Variants in TBC1D16 observed in about 807,000 individuals in gnomAD.
TBC1D16 encodes the protein CTD-2529O21.1.
In TBC1D16, 58 loss-of-function variants were observed where a neutral mutation model predicts 74.7. The observed-to-expected ratio is 0.78, with a 90% CI of 0.63 to 0.97. The LOEUF is 0.97. Among genes scored for constraint, TBC1D16 ranks in the 50% least tolerant of loss-of-function variants. The probability of loss-of-function intolerance (pLI) is 0.00; values close to 1 mark genes in which losing one functional copy is unlikely to be tolerated. For synonymous variants in TBC1D16, 493 were observed against 474.7 expected, an observed-to-expected ratio of 1.04 and a Z score of -0.50; for missense variants, 1,014 against 1,079.5, an observed-to-expected ratio of 0.94 and a Z score of 0.85.
In TBC1D16 at chr17:80,010,440, C is replaced by T. The variant is rs145335787; in HGVS notation, c.499G>A (p.Gly167Ser). 3.4e-5 allele frequency: 55 copies of T among 1,609,342 alleles called. No individual in the cohort carries two copies. The East Asian group carries it at 1.2e-3, about 35-fold the overall frequency. ...GGCTGGGCACCATCCACCCCCAAGC[C>T]CTGCGCCAGCTTCTCCTCATCCTCT... Reference protein sequence around the residue: ...APEDEEKLAQGLGVDGAQPAS... With the variant: ...APEDEEKLAQSLGVDGAQPAS... Residue 167 changes from glycine (G) to serine (S), a missense_variant, in exon 3 of 12, where the codon GGC becomes AGC. By Grantham distance (56) the Gly-to-Ser change is moderately conservative. Coordinates refer to ENST00000310924, the MANE Select transcript of TBC1D16 (RefSeq NM_019020.4). The surrounding 1 kb of genome is among the most constrained non-coding windows in gnomAD (Gnocchi z 8.8).
At chr17:79,948,235 C>G (rs2032726294) in intron 8 of TBC1D16, among the ~76,000 whole-genome samples, 1 of 151,794 alleles carries the variant, frequency 6.6e-6, no homozygotes. Context: ...ATCGCTTGAA[C>G]CCGGAAAGCG....
rs889371534 is a variant in TBC1D16 at position 80,007,677 on chromosome 17, T to C, written c.779+2483A>G. 1.3e-5 allele frequency among the ~76,000 whole-genome samples: 2 copies of C among 152,056 alleles called. No individual in the cohort carries two copies. Among genetic ancestry groups the C allele is most frequent in the East Asian group, 1.9e-4 (1 of 5,142 alleles). ...CGCCCCAGGAGCTGAGTCTCAAACATATAAGCTGGCCGGTTAGGAGAGAGG... is the reference window on the plus strand; with the variant it reads ...CGCCCCAGGAGCTGAGTCTCAAACACATAAGCTGGCCGGTTAGGAGAGAGG... On this transcript the variant is annotated intron_variant, in intron 3 of 11. Transcript: ENST00000310924. This position sits in a 1 kb window ranked among gnomAD's most constrained non-coding sequence, Gnocchi z 4.5.
rs748469429 is a variant in TBC1D16, at chr17:79,947,673, G to A, written c.1700C>T (p.Pro567Leu). 2.5e-6 allele frequency: 4 copies of A among 1,614,126 alleles called. 1 individual carries two copies. In the Admixed American group the frequency reaches 6.7e-5, roughly 27 times the overall value. ...TTGTTTCTCCATGTCCTCGTCCCGG[G>A]GTGAGCTGACGAAGATCGTGTTCTG... is the stretch of plus-strand genomic sequence containing the variant. ...LMQNTIFVSSPRDEDMEKQLL... is the reference protein window; with the variant it reads ...LMQNTIFVSSLRDEDMEKQLL... Residue 567 changes from proline (P) to leucine (L), a missense_variant, in exon 9 of 12, where the codon CCC (proline) becomes CTC (leucine). By Grantham distance (98) the Pro-to-Leu change is moderately conservative. Transcript: ENST00000310924.
At chr17:79,946,318 A>G (rs2032532481) in intron 9 of TBC1D16, among the ~76,000 whole-genome samples, 1 of 152,318 alleles carries the variant, frequency 6.6e-6, no homozygotes, top group Non-Finnish European at 1.5e-5. Context: ...CTCAGTTCAC[A>G]GTAGGGTTCT....
At position 79,940,988 on chromosome 17, in the gene TBC1D16, G is replaced by A. The variant is rs771079482; in HGVS notation, c.2175C>T (p.Cys725=). Residue 725 remains cysteine (C), a synonymous_variant, in exon 12 of 12, where the codon TGC becomes TGT. Transcript: ENST00000310924. The surrounding 1 kb of genome is among the most constrained non-coding windows in gnomAD (Gnocchi z 5.4). The stretch of plus-strand genomic sequence containing the variant: ...TCTCCGAGCCGGGATGGTGGCCGGT[G>A]CACTCCACCGCGGGCATGGAGCCGC... ...WDSGSMPAVE[C]TGHHPGSESC... is the part of the protein sequence containing the mutation. 25 of 1,608,000 alleles carry A rather than the reference G, an allele frequency of 1.6e-5. No homozygotes were observed. Among genetic ancestry groups the A allele is most frequent in the Non-Finnish European group, 2.0e-5 (23 of 1,178,050 alleles).
rs78441530 is a variant in TBC1D16 at position 79,968,288 on chromosome 17, G to A, written c.780-15470C>T. ...ATAGGCATGCTGGGATTCGAGGCATGAGCCGCTGCACCCAACCGGGTGAAA... is the reference window on the plus strand; with the variant it reads ...ATAGGCATGCTGGGATTCGAGGCATAAGCCGCTGCACCCAACCGGGTGAAA... On this transcript the variant is annotated intron_variant, in intron 3 of 11. Transcript: ENST00000310924. Among the ~76,000 whole-genome samples, 49 of 152,348 alleles carry A rather than the reference G, an allele frequency of 3.2e-4. No homozygotes were observed. The East Asian group carries it at 8.9e-3, about 28-fold the overall frequency.
At chr17:79,952,896 G>A (rs376168034) in intron 3 of TBC1D16, 78 bp from the exon 4 acceptor site, 3 of 1,512,676 alleles carry the variant, frequency 2.0e-6, no homozygotes, top group East Asian at 4.6e-5. Flanking sequence ...GGTCATGGGG[G>A]AGTCATTTAA....
At chr17:80,025,065 T>G (rs2036510224) in intron 1 of TBC1D16, among the ~76,000 whole-genome samples, 1 of 48,218 alleles carries the variant, frequency 2.1e-5, no homozygotes, top group Admixed American at 1.9e-4. Context: ...ACACACACTA[T>G]GACACACACA....
At position 79,988,313 on chromosome 17, in the gene TBC1D16, C is replaced by T. The variant is rs938943174; in HGVS notation, c.779+21847G>A. 6.6e-6 allele frequency among the ~76,000 whole-genome samples: 1 copy of T among 152,218 alleles called. No homozygotes were observed. Among genetic ancestry groups the T allele is most frequent in the Non-Finnish European group, 1.5e-5 (1 of 68,038 alleles). Reference sequence around the variant, plus strand: ...GCAAAACAACACGCTGAACAAACACCACCACCCTGAAAAGTCACCAGCCCA... The same window carrying T: ...GCAAAACAACACGCTGAACAAACACTACCACCCTGAAAAGTCACCAGCCCA... On this transcript the variant is annotated intron_variant, in intron 3 of 11. Transcript: ENST00000310924. The surrounding 1 kb of genome is among the most constrained non-coding windows in gnomAD (Gnocchi z 5.7).
chr17:79,943,859 T>C, intron 10 of TBC1D16: 2 of 1,389,210 alleles, frequency 1.4e-6, no homozygotes, highest in Non-Finnish European at 1.9e-6. Flanking sequence ...AATCTGCCAC[T>C]GGGAAAACGT....
chr17:79,955,220 G>A (rs890627845), intron 3 of TBC1D16, among the ~76,000 whole-genome samples: 1 of 152,170 alleles, frequency 6.6e-6, no homozygotes, highest in Non-Finnish European at 1.5e-5. Flanking sequence ...AAACTAGAGC[G>A]AAGGTGATGG....
At chr17:79,970,478 C>G in intron 3 of TBC1D16, among the ~76,000 whole-genome samples, 1 of 152,216 alleles carries the variant, frequency 6.6e-6, no homozygotes, top group Non-Finnish European at 1.5e-5. Context: ...TTATCTTGTA[C>G]ATCTCCCACC....
rs780985799 is a variant in TBC1D16, at chr17:79,986,456, G to A, written c.779+23704C>T. ...GTCAGCGTTGCAGTGGTGGGTAAGA[G>A]GCCCCGGGATTATTTTTGGAGGGCC... On this transcript the variant is annotated intron_variant, in intron 3 of 11. Coordinates refer to ENST00000310924, the MANE Select transcript of TBC1D16 (RefSeq NM_019020.4). This position sits in a 1 kb window ranked among gnomAD's most constrained non-coding sequence, Gnocchi z 6.0. Among the ~76,000 whole-genome samples, 22 of 152,194 alleles carry A rather than the reference G, an allele frequency of 1.4e-4. No individual in the cohort carries two copies. Among genetic ancestry groups the A allele is most frequent in the Non-Finnish European group, 2.1e-4 (14 of 68,042 alleles).
chr17:80,029,705 C>T (rs2036709594), intron 1 of TBC1D16, among the ~76,000 whole-genome samples: 1 of 152,214 alleles, frequency 6.6e-6, no homozygotes, highest in African/African-American at 2.4e-5. Context: ...CCTCTTGTCT[C>T]CTTTTGAAAG....
In TBC1D16 at chr17:79,934,258, C is replaced by T; in HGVS notation, c.*6601G>A. 1 of 152,546 alleles carries T rather than the reference C, an allele frequency of 6.6e-6. No homozygotes were observed. Among genetic ancestry groups the T allele is most frequent in the Non-Finnish European group, 1.5e-5 (1 of 68,190 alleles). 9.4% of individuals were successfully genotyped at this position (152,546 alleles called of 1,614,324 possible). On this transcript the variant is annotated 3_prime_UTR_variant, in exon 12 of 12. Coordinates refer to ENST00000310924, the MANE Select transcript of TBC1D16 (RefSeq NM_019020.4). Reference sequence around the variant, plus strand: ...TGGGCTGTATCCAGGGAACCAGCTGCCGGACAAATTGGAAGGGACCTTCTT... The same window carrying T: ...TGGGCTGTATCCAGGGAACCAGCTGTCGGACAAATTGGAAGGGACCTTCTT...
intron 1 of TBC1D16, among the ~76,000 whole-genome samples, chr17:80,016,010 C>CAAAAAAAAAAA (rs60327293): frequency 1.1e-5 from 1 of 89,674 alleles, no homozygotes; most frequent in Non-Finnish European, 2.2e-5. Flanking sequence ...GACTCCATCT[C>CAAAAAAAAAAA]AAAAAAAAAA....
intron 1 of TBC1D16, among the ~76,000 whole-genome samples, chr17:80,032,487 G>A (rs141297874): frequency 1.9e-4 from 29 of 152,300 alleles, no homozygotes; most frequent in South Asian, 1.9e-3. Context: ...CGAAGACAGA[G>A]TAAAGAACGT....
chr17:80,004,074 C>T (rs2035588043), intron 3 of TBC1D16, among the ~76,000 whole-genome samples: 2 of 152,216 alleles, frequency 1.3e-5, no homozygotes, highest in South Asian at 4.1e-4. Context: ...AACTTAAAAA[C>T]ATTTTAAAAT....
At chr17:79,999,874 C>T (rs117539947) in intron 3 of TBC1D16, among the ~76,000 whole-genome samples, 1,811 of 152,124 alleles carry the variant, frequency 0.012, 29 homozygotes, top group East Asian at 0.058. Context: ...AACACAATCT[C>T]TTTTGTCTCT....
Sources: allele counts gnomAD v4.1 joint callset (sites outside exome capture counted in the v4.1 genomes callset), GRCh38; gene constraint gnomAD v4.1.1; non-coding constraint Gnocchi (gnomAD v3.1); transcripts MANE v1.5; gene names NCBI Gene and HGNC (gene_info 2026-07-23, HGNC 2026-07-21).